Variants in TENM1 observed in about 807,000 individuals in gnomAD.
TENM1 encodes teneurin-1.
In TENM1, 35 loss-of-function variants were observed where a neutral mutation model predicts 174.8. That is an observed-to-expected ratio of 0.20 (90% CI 0.15 to 0.27). TENM1 has a LOEUF of 0.27. Among genes scored for constraint, TENM1 ranks in the 10% least tolerant of loss-of-function variants. The pLI is 1.00. For synonymous variants in TENM1, 781 were observed against 798.7 expected, an observed-to-expected ratio of 0.98 and a Z score of 0.37; for missense variants, 1,633 against 2,130.1, an observed-to-expected ratio of 0.77 and a Z score of 4.59.
At chrX:124,926,138 A>T (rs976277611) in intron 1 of TENM1, among the ~76,000 whole-genome samples, 3 of 112,684 alleles carry the variant, frequency 2.7e-5, no homozygotes, top group Non-Finnish European at 5.6e-5. Flanking sequence ...GGAATTGTAC[A>T]GAAAAGAATA....
At chrX:124,381,865 T>C in intron 31 of TENM1, among the ~76,000 whole-genome samples, 1 of 111,898 alleles carries the variant, frequency 8.9e-6, no homozygotes, top group Non-Finnish European at 1.9e-5. Context: ...GTATCCATTA[T>C]GAAGCTTCAG....
At chrX:124,402,097 C>T (rs1481128957) in intron 27 of TENM1, among the ~76,000 whole-genome samples, 2 of 112,041 alleles carry the variant, frequency 1.8e-5, no homozygotes, top group Non-Finnish European at 3.8e-5. Flanking sequence ...GGCTCTGATC[C>T]TTAATAGCTG....
chrX:124,676,254 T>C (rs1245439481), intron 5 of TENM1, among the ~76,000 whole-genome samples: 1 of 56,592 alleles, frequency 1.8e-5, no homozygotes, highest in Non-Finnish European at 3.2e-5. Context: ...AAGACATATA[T>C]AAAATATATA....
chrX:124,791,387 T>C (rs2055175978), intron 3 of TENM1, among the ~76,000 whole-genome samples: 1 of 111,901 alleles, frequency 8.9e-6, no homozygotes, highest in Non-Finnish European at 1.9e-5. Flanking sequence ...AGGAAATAAT[T>C]TCTTTTGAAA....
At chrX:124,704,364 C>T (rs2052846430) in intron 5 of TENM1, among the ~76,000 whole-genome samples, 1 of 111,733 alleles carries the variant, frequency 8.9e-6, no homozygotes, top group African/African-American at 3.2e-5. Flanking sequence ...AAATGACATC[C>T]AGAAAAATCA....
chrX:124,431,192 T>G (rs1437509141), intron 23 of TENM1, among the ~76,000 whole-genome samples: 2 of 112,483 alleles, frequency 1.8e-5, no homozygotes, highest in Non-Finnish European at 3.8e-5. Flanking sequence ...TGTTACTATA[T>G]TTTACAATTG....
chrX:124,762,739 T>C lies in TENM1; in HGVS notation c.536-25542A>G, dbSNP rs193123918. Among the ~76,000 whole-genome samples the C allele has an allele frequency of 3.7e-3, 414 of 111,926 alleles. 1 individual carries two copies. The highest frequency in any genetic ancestry group is 0.012 in the African/African-American group (383 of 30,888). ...ATAAAGTTGCTGGTACAATAAATAC[T>C]TACCTTTAAATATAAGGTAAGGAAA... is the stretch of plus-strand genomic sequence containing the variant. On this transcript the variant is annotated intron_variant, in intron 3 of 31. Coordinates refer to ENST00000422452, the Ensembl canonical transcript of TENM1.
the TENM1 span, among the ~76,000 whole-genome samples, chrX:125,182,250 TC>T: frequency 9.0e-6 from 1 of 110,515 alleles, no homozygotes; most frequent in Admixed American, 9.7e-5. Context: ...TGTTTTTCTC[TC>T]TTTTGTTCTT....
chrX:124,954,620 G>T (rs975284747), intron 1 of TENM1, among the ~76,000 whole-genome samples: 4 of 111,510 alleles, frequency 3.6e-5, no homozygotes, highest in Admixed American at 9.6e-5. Context: ...ATGACATAAT[G>T]GCAAGGGAGG....
intron 1 of TENM1, among the ~76,000 whole-genome samples, chrX:124,960,274 T>C (rs2058634528): frequency 8.9e-6 from 1 of 112,008 alleles, no homozygotes; most frequent in African/African-American, 3.2e-5. Context: ...GGTAAACTTT[T>C]ATTCAAATTT....
intron 22 of TENM1, among the ~76,000 whole-genome samples, chrX:124,471,288 GTAC>G (rs2061311030): frequency 5.8e-5 from 2 of 34,363 alleles, no homozygotes; most frequent in African/African-American, 1.3e-4. Context: ...ATAATATATA[GTAC>G]TATATATTAT....
chrX:124,836,529 T>C (rs913439122), intron 3 of TENM1, among the ~76,000 whole-genome samples: 1 of 112,016 alleles, frequency 8.9e-6, no homozygotes, highest in Non-Finnish European at 1.9e-5. Flanking sequence ...ACCTAGAAAA[T>C]TTATAAAGAT....
chrX:124,414,507 G>A (rs942337263), intron 25 of TENM1, among the ~76,000 whole-genome samples: 2 of 110,157 alleles, frequency 1.8e-5, no homozygotes, highest in Non-Finnish European at 3.8e-5. Context: ...GCCAGTATTC[G>A]TGCCTTGACA....
At chrX:124,818,509 T>G (rs1055171324) in intron 3 of TENM1, among the ~76,000 whole-genome samples, 1 of 111,859 alleles carries the variant, frequency 8.9e-6, no homozygotes, top group Non-Finnish European at 1.9e-5. Context: ...GGATACACCA[T>G]CTCTGAACTT....
At chrX:125,163,571 G>C in the TENM1 span, among the ~76,000 whole-genome samples, 1 of 110,948 alleles carries the variant, frequency 9.0e-6, no homozygotes, top group Non-Finnish European at 1.9e-5. Context: ...TTAATGTTCA[G>C]CCTGATACTA....
the TENM1 span, among the ~76,000 whole-genome samples, chrX:124,986,653 T>C: frequency 9.0e-6 from 1 of 111,303 alleles, no homozygotes; most frequent in Non-Finnish European, 1.9e-5. Flanking sequence ...TGTTTGTTTG[T>C]TTGTTTGAGA....
intron 4 of TENM1, among the ~76,000 whole-genome samples, chrX:124,712,050 T>C (rs1246877675): frequency 3.6e-5 from 4 of 112,233 alleles, no homozygotes. Context: ...AATAATATTC[T>C]TTTGTATGTA....
At chrX:125,151,367 G>A in the TENM1 span, among the ~76,000 whole-genome samples, 1,088 of 111,979 alleles carry the variant, frequency 9.7e-3, 20 homozygotes, top group African/African-American at 0.032. Context: ...ATAACAGATC[G>A]GAGACCAGCG....
chrX:125,162,234 C>T, the TENM1 span, among the ~76,000 whole-genome samples: 1 of 111,647 alleles, frequency 9.0e-6, no homozygotes, highest in Non-Finnish European at 1.9e-5. Flanking sequence ...AATGGGGATG[C>T]CACCTAATGA....
Sources: allele counts gnomAD v4.1 joint callset (sites outside exome capture counted in the v4.1 genomes callset), GRCh38; gene constraint gnomAD v4.1.1; transcripts MANE v1.5; gene names NCBI Gene and HGNC (gene_info 2026-07-23, HGNC 2026-07-21).